Variants in SLC8A1 observed in about 807,000 individuals in gnomAD.
SLC8A1 encodes the protein solute carrier family 8 member A1.
A neutral mutation model predicts 68.3 loss-of-function variants in SLC8A1; 18 were observed. That is an observed-to-expected ratio of 0.26 (90% CI 0.18 to 0.39). SLC8A1 has a LOEUF of 0.39. SLC8A1 is among the 10% of genes least tolerant of loss of function. The pLI is 1.00. For missense variants in SLC8A1, 985 were observed against 1,156.7 expected, an observed-to-expected ratio of 0.85 and a Z score of 2.15; for synonymous variants, 475 against 415.5, an observed-to-expected ratio of 1.14 and a Z score of -1.74.
chr2:40,103,225 C>CT (rs2034003529), exon 8 of SLC8A1: 1 of 152,160 alleles, frequency 6.6e-6, no homozygotes, highest in Admixed American at 6.5e-5. Flanking sequence ...GCAGAGTTCA[C>CT]TATGGTTGCT....
At chr2:40,419,204 T>C (rs539182456) in intron 2 of SLC8A1, among the ~76,000 whole-genome samples, 33 of 152,330 alleles carry the variant, frequency 2.2e-4, no homozygotes, top group African/African-American at 7.0e-4. Flanking sequence ...AATCAATGAA[T>C]AGGGCCCAGC....
At chr2:40,378,290 G>A (rs1209310880) in intron 2 of SLC8A1, among the ~76,000 whole-genome samples, 2 of 152,142 alleles carry the variant, frequency 1.3e-5, no homozygotes, top group Non-Finnish European at 2.9e-5. Flanking sequence ...TGCCATCTGA[G>A]TAACAGCCTG....
At chr2:40,233,062 T>G (rs2059897217) in intron 2 of SLC8A1, among the ~76,000 whole-genome samples, 1 of 152,144 alleles carries the variant, frequency 6.6e-6, no homozygotes, top group African/African-American at 2.4e-5. Context: ...TAAACATACG[T>G]GTGCATGTGT....
chr2:40,511,829 C>T (rs1002137276), intron 1 of SLC8A1, among the ~76,000 whole-genome samples: 3 of 152,102 alleles, frequency 2.0e-5, no homozygotes, highest in African/African-American at 4.8e-5. Flanking sequence ...AATCAACCTC[C>T]GAACTGCTGA....
intron 2 of SLC8A1, among the ~76,000 whole-genome samples, chr2:40,407,834 A>G (rs561720488): frequency 5.9e-5 from 9 of 152,210 alleles, no homozygotes; most frequent in African/African-American, 2.2e-4. Flanking sequence ...GAGGAGTTGC[A>G]TTTGCTTTTC....
At chr2:40,167,473 C>T (rs1406702906) in intron 4 of SLC8A1, among the ~76,000 whole-genome samples, 1 of 152,090 alleles carries the variant, frequency 6.6e-6, no homozygotes, top group East Asian at 1.9e-4. Flanking sequence ...TTAAAAATTA[C>T]ATTAAGTAAA....
chr2:40,105,447 C>G (rs2034135995), exon 8 of SLC8A1: 1 of 152,152 alleles, frequency 6.6e-6, no homozygotes, highest in African/African-American at 2.4e-5. Flanking sequence ...GCTTCAAGCT[C>G]TGAAGAAGTA....
chr2:40,281,932 C>A (rs903639590), intron 2 of SLC8A1, among the ~76,000 whole-genome samples: 2 of 152,070 alleles, frequency 1.3e-5, no homozygotes, highest in Non-Finnish European at 2.9e-5. Context: ...CTGGATTTAT[C>A]CTAATCTAAT....
chr2:40,429,935 T>G (rs1234729377), exon 2 of SLC8A1: 2 of 1,613,304 alleles, frequency 1.2e-6, no homozygotes, highest in African/African-American at 2.7e-5. Flanking sequence ...TTGGGTTTCT[T>G]TATGGTTATT....
intron 2 of SLC8A1, among the ~76,000 whole-genome samples, chr2:40,367,617 G>A (rs1202353950): frequency 1.3e-5 from 2 of 151,956 alleles, no homozygotes; most frequent in Non-Finnish European, 2.9e-5. Context: ...ATCAGTGTGT[G>A]CTGCTCCGCC....
chr2:40,194,904 G>A (rs960018016), intron 2 of SLC8A1, among the ~76,000 whole-genome samples: 25 of 152,020 alleles, frequency 1.6e-4, no homozygotes, highest in African/African-American at 5.8e-4. Context: ...GGTCCATTCC[G>A]AAGAAACAAA....
intron 2 of SLC8A1, among the ~76,000 whole-genome samples, chr2:40,213,910 T>C (rs1268716604): frequency 6.6e-6 from 1 of 152,214 alleles, no homozygotes; most frequent in Admixed American, 6.5e-5. Context: ...CAATAATCTC[T>C]GCTTTCCTAA....
chr2:40,310,261 C>T (rs143241200), intron 2 of SLC8A1, among the ~76,000 whole-genome samples: 206 of 152,282 alleles, frequency 1.4e-3, no homozygotes, highest in Non-Finnish European at 2.2e-3. Flanking sequence ...GCCATGGTCA[C>T]AGGCAGCACA....
intron 2 of SLC8A1, among the ~76,000 whole-genome samples, chr2:40,366,224 C>T (rs1676156973): frequency 6.6e-6 from 1 of 152,008 alleles, no homozygotes; most frequent in African/African-American, 2.4e-5. Flanking sequence ...ATATAGTATG[C>T]ACTCAACAAT....
At position 40,266,849 on chromosome 2, in the gene SLC8A1, C is replaced by T. The variant is rs183406166; in HGVS notation, c.1809-88994G>A. On this transcript the variant is annotated intron_variant, in intron 2 of 7. Transcript: ENST00000406785. ...ATAAAATTGGCACTCTGCTTCCACC[C>T]CAAGTTGGATTATTTAACAGGCATG... 5.9e-5 allele frequency among the ~76,000 whole-genome samples: 9 copies of T among 152,272 alleles called. No individual in the cohort carries two copies. The East Asian group carries it at 9.7e-4, about 16-fold the overall frequency.
intron 2 of SLC8A1, among the ~76,000 whole-genome samples, chr2:40,391,695 G>C (rs1408427294): frequency 6.6e-6 from 1 of 152,134 alleles, no homozygotes; most frequent in East Asian, 1.9e-4. Context: ...GGAACTCTTA[G>C]TCCCAGACCC....
At chr2:40,251,773 C>T (rs966845945) in intron 2 of SLC8A1, 2 of 152,084 alleles carry the variant, frequency 1.3e-5, no homozygotes, top group South Asian at 2.1e-4. Flanking sequence ...AATACATGCA[C>T]GGTAAGCCTC....
chr2:40,394,523 T>A (rs2149615466), intron 2 of SLC8A1, among the ~76,000 whole-genome samples: 1 of 152,168 alleles, frequency 6.6e-6, no homozygotes, highest in South Asian at 2.1e-4. Context: ...AGATTTGGTT[T>A]TATCATCAAG....
intron 2 of SLC8A1, among the ~76,000 whole-genome samples, chr2:40,301,289 CTGAAGT>C (rs1166388481): frequency 6.6e-6 from 1 of 152,154 alleles, no homozygotes; most frequent in African/African-American, 2.4e-5. Flanking sequence ...CATAAAGAAA[CTGAAGT>C]TGAAGTTGTG....
Sources: allele counts gnomAD v4.1 joint callset (sites outside exome capture counted in the v4.1 genomes callset), GRCh38; gene constraint gnomAD v4.1.1; transcripts MANE v1.5; gene names NCBI Gene and HGNC (gene_info 2026-07-23, HGNC 2026-07-21).